The following RIPOR2 variants were observed in gnomAD, a reference collection of about 807,000 sequenced individuals.
RIPOR2 encodes rho family-interacting cell polarization regulator 2.
In RIPOR2, 39 loss-of-function variants were observed where a neutral mutation model predicts 114.5. The observed-to-expected ratio is 0.34, with a 90% CI of 0.26 to 0.44. The LOEUF (loss-of-function observed/expected upper bound fraction) is 0.44, where lower values mean the gene tolerates loss of function less well. RIPOR2 is among the 20% of genes least tolerant of loss of function. RIPOR2 has a pLI of 1.00. For missense variants in RIPOR2, 1,007 were observed against 1,255.1 expected (o/e 0.80, Z 2.99); for synonymous variants, 445 against 484.4 (o/e 0.92, Z 1.07).
At chr6:24,862,762 G>C (rs1318547651) in intron 7 of RIPOR2, among the ~76,000 whole-genome samples, 1 of 151,296 alleles carries the variant, frequency 6.6e-6, no homozygotes, top group African/African-American at 2.4e-5. Flanking sequence ...GTTAAGACTT[G>C]AGGACATCCA....
chr6:25,022,859 A>G (rs1240373465), intron 1 of RIPOR2, among the ~76,000 whole-genome samples: 1 of 152,050 alleles, frequency 6.6e-6, no homozygotes, highest in Non-Finnish European at 1.5e-5. Context: ...CCAAAATAAT[A>G]TTTATAAGGT....
rs913701683 is a variant in RIPOR2, at chr6:24,878,090, G to A, written c.62-2273C>T. On this transcript the variant is annotated intron_variant, in intron 1 of 21. Transcript: ENST00000643898. Reference sequence around the variant, plus strand: ...TTACTGAAACTAGGAGCAAGGAGACGAAGAGAACCAGAAAGTTAAACTTTA... The same window carrying A: ...TTACTGAAACTAGGAGCAAGGAGACAAAGAGAACCAGAAAGTTAAACTTTA... Among the ~76,000 whole-genome samples, 49 of 152,258 alleles carry A rather than the reference G, an allele frequency of 3.2e-4. 1 individual carries two copies. The highest frequency in any genetic ancestry group is 2.5e-3 in the Admixed American group (38 of 15,290).
intron 1 of RIPOR2, among the ~76,000 whole-genome samples, chr6:24,945,339 A>T (rs367932609): frequency 4.6e-5 from 7 of 152,194 alleles, no homozygotes; most frequent in African/African-American, 9.6e-5. Context: ...TTACTAGTAG[A>T]TTTGCCTTGT....
At chr6:24,961,002 T>G (rs1773276274) in intron 1 of RIPOR2, among the ~76,000 whole-genome samples, 1 of 152,196 alleles carries the variant, frequency 6.6e-6, no homozygotes, top group Admixed American at 6.5e-5. Flanking sequence ...CTGCTTTTGC[T>G]CCTACTTATC....
At chr6:24,943,664 A>G (rs77444247) in intron 1 of RIPOR2, among the ~76,000 whole-genome samples, 11,089 of 152,120 alleles carry the variant, frequency 0.073, 669 homozygotes, top group African/African-American at 0.16. Context: ...TGGCATTTTA[A>G]TTTACCAGCT....
chr6:24,857,533 A>G (rs1409133680), intron 8 of RIPOR2, among the ~76,000 whole-genome samples: 1 of 152,104 alleles, frequency 6.6e-6, no homozygotes, highest in Non-Finnish European at 1.5e-5. Flanking sequence ...ATTCTGCCAG[A>G]AGAACGCTCT....
chr6:24,864,330 T>C (rs1302321785), intron 7 of RIPOR2, among the ~76,000 whole-genome samples: 1 of 151,982 alleles, frequency 6.6e-6, no homozygotes, highest in Non-Finnish European at 1.5e-5. Flanking sequence ...ACTCTATCTC[T>C]CAAAAAATAA....
intron 1 of RIPOR2, among the ~76,000 whole-genome samples, chr6:24,999,705 AC>A (rs1775213344): frequency 6.6e-6 from 1 of 151,666 alleles, no homozygotes; most frequent in African/African-American, 2.4e-5. Context: ...ACAGGCGCCC[AC>A]CACCACGCCT....
intron 13 of RIPOR2, chr6:24,840,679 T>A (rs1280038821): frequency 6.5e-7 from 1 of 1,534,478 alleles, no homozygotes; most frequent in African/African-American, 1.4e-5. Flanking sequence ...GAAAACGTCT[T>A]TCGGTCTTTT....
chr6:25,021,903 T>C (rs972387741), intron 1 of RIPOR2, among the ~76,000 whole-genome samples: 1 of 152,212 alleles, frequency 6.6e-6, no homozygotes, highest in African/African-American at 2.4e-5. Context: ...AGAGACCAGA[T>C]TGAAATCCAC....
intron 1 of RIPOR2, among the ~76,000 whole-genome samples, chr6:24,980,348 C>T (rs1239856499): frequency 1.3e-5 from 2 of 152,208 alleles, no homozygotes; most frequent in Non-Finnish European, 2.9e-5. Context: ...CCTTGGACAT[C>T]TATATTTTCC....
At chr6:24,948,047 T>C (rs940992008) in intron 1 of RIPOR2, 1 of 152,190 alleles carries the variant, frequency 6.6e-6, no homozygotes, top group Admixed American at 6.5e-5. Flanking sequence ...AAATCGAGAC[T>C]GTCTCAACTA....
In RIPOR2 at chr6:24,835,707, A is replaced by G. The variant is rs775832453; in HGVS notation, c.2204T>C (p.Val735Ala). Residue 735 changes from valine (V) to alanine (A), a missense_variant, in exon 15 of 22, where the codon GTG (valine) becomes GCG (alanine). By Grantham distance (64) the Val-to-Ala change is moderately conservative. Transcript: ENST00000643898. ...VRHLQYCTQL[V>A]QQIVFSSKTP... ...CAAATTCATCGCTGATCCTACCTGC[A>G]CGAGTTGGGTGCAGTACTGGAGGTG... 161 of 1,551,530 alleles carry G rather than the reference A, an allele frequency of 1.0e-4. No homozygotes were observed. The highest frequency in any genetic ancestry group is 1.4e-4 in the Non-Finnish European group (158 of 1,146,940).
chr6:25,014,698 A>G (rs1775896273), intron 1 of RIPOR2, among the ~76,000 whole-genome samples: 1 of 152,222 alleles, frequency 6.6e-6, no homozygotes, highest in Admixed American at 6.5e-5. Flanking sequence ...AGTAGTGGGA[A>G]GGACAAGGAG....
At chr6:24,840,568 C>A in intron 13 of RIPOR2, 1 of 1,465,918 alleles carries the variant, frequency 6.8e-7, no homozygotes, top group Non-Finnish European at 9.0e-7. Flanking sequence ...AAATGTCCTC[C>A]ATCCAGTTAG....
At position 24,850,586 on chromosome 6, in the gene RIPOR2, C is replaced by A. The variant is rs756019235; in HGVS notation, c.885+11G>T. The A allele has an allele frequency of 1.2e-5, 19 of 1,613,744 alleles. No homozygotes were observed. Among genetic ancestry groups the A allele is most frequent in the Admixed American group, 3.3e-5 (2 of 60,004 alleles). On this transcript the variant is annotated intron_variant, in intron 10 of 21. Coordinates refer to ENST00000643898, the MANE Select transcript of RIPOR2 (RefSeq NM_001286445.3). ...CACCAGGAAAGACAACAGGCAATGA[C>A]AATACTGTACCTTGATGGAGATGAA...
chr6:24,922,858 CAAAAAAAAAAA>C, intron 1 of RIPOR2, among the ~76,000 whole-genome samples: 1 of 78,652 alleles, frequency 1.3e-5, no homozygotes, highest in Non-Finnish European at 2.7e-5. Flanking sequence ...AGGACAGTCT[CAAAAAAAAAAA>C]AAAAAAAAAA....
intron 1 of RIPOR2, among the ~76,000 whole-genome samples, chr6:24,930,022 C>G (rs1173937399): frequency 6.6e-6 from 1 of 152,188 alleles, no homozygotes; most frequent in Non-Finnish European, 1.5e-5. Context: ...CTGCAGTGAG[C>G]TGCAATCACA....
At chr6:24,986,897 A>T (rs1471902227) in intron 1 of RIPOR2, among the ~76,000 whole-genome samples, 3 of 151,384 alleles carry the variant, frequency 2.0e-5, no homozygotes, top group African/African-American at 7.3e-5. Flanking sequence ...AAATACACGA[A>T]CACTAATGGT....
Sources: gnomAD v4.1 joint callset for allele counts (sites outside exome capture counted in the v4.1 genomes callset) on GRCh38, gnomAD v4.1.1 for gene constraint, MANE v1.5 for transcripts, NCBI Gene and HGNC (gene_info 2026-07-23, HGNC 2026-07-21) for gene names.